Variants in KYNU observed in about 807,000 individuals in gnomAD.
KYNU encodes kynureninase, also known as L-kynurenine hydrolase.
In KYNU, 54 loss-of-function variants were observed where a neutral mutation model predicts 59.2. The observed-to-expected ratio is 0.91, with a 90% CI of 0.73 to 1.14. The LOEUF (loss-of-function observed/expected upper bound fraction) is 1.14. Ranked by LOEUF, KYNU falls within the 50% of genes most tolerant of loss-of-function variation. KYNU has a pLI of 0.00. For synonymous variants in KYNU, 177 were observed against 192.0 expected, an observed-to-expected ratio of 0.92 and a Z score of 0.65; for missense variants, 567 against 554.4, an observed-to-expected ratio of 1.02 and a Z score of -0.23.
rs542670348 is a variant in KYNU, at chr2:143,021,973, T to C, written c.903-7654T>C. ...ATATCTGTTTGTTGCAATTTAGATT[T>C]CAGATATTTATTTCTTATATTAATT... On this transcript the variant is annotated intron_variant, in intron 10 of 13. Transcript: ENST00000264170. 5.3e-5 allele frequency among the ~76,000 whole-genome samples: 8 copies of C among 152,322 alleles called. No homozygotes were observed. In the South Asian group the frequency reaches 1.7e-3, roughly 32 times the overall value.
rs1243876239 is a variant in KYNU at position 142,972,807 on chromosome 2, T to TAG, written c.729+12038_729+12039insGA. The stretch of plus-strand genomic sequence containing the variant: ...GACAGAGGCCATATATATATATATA[T>TAG]ATATATAGAGAGAGAGAGAGAGAGA... On this transcript the variant is annotated intron_variant, in intron 8 of 13. Transcript: ENST00000264170. Among the ~76,000 whole-genome samples the TAG allele has an allele frequency of 6.2e-4, 86 of 138,330 alleles. 1 individual carries two copies. Among genetic ancestry groups the TAG allele is most frequent in the African/African-American group, 1.8e-3 (67 of 36,830 alleles). The allele number at this position is 138,330 out of a possible 152,430, so 90.7% of individuals were successfully genotyped here.
At chr2:142,881,271 T>C (rs1681287142) in intron 1 of KYNU, 1 of 152,194 alleles carries the variant, frequency 6.6e-6, no homozygotes, top group Non-Finnish European at 1.5e-5. Context: ...GAACCATGGA[T>C]TGAAGCAGTT....
At chr2:143,007,280 T>C (rs1419984876) in intron 10 of KYNU, among the ~76,000 whole-genome samples, 10 of 149,700 alleles carry the variant, frequency 6.7e-5, no homozygotes, top group South Asian at 2.1e-4. Flanking sequence ...CAGGAACCGG[T>C]GCGATCAACT....
chr2:143,008,073 T>G (rs1685969486), intron 10 of KYNU, among the ~76,000 whole-genome samples: 1 of 122,420 alleles, frequency 8.2e-6, no homozygotes, highest in South Asian at 2.9e-4. Flanking sequence ...ACTTTAAATG[T>G]AAATGGACTA....
At chr2:142,889,307 G>A (rs1404848015) in intron 2 of KYNU, among the ~76,000 whole-genome samples, 3 of 152,140 alleles carry the variant, frequency 2.0e-5, no homozygotes, top group African/African-American at 4.8e-5. Context: ...AACAGACAGT[G>A]GCGGGGGGAC....
chr2:143,032,733 G>GTGTGTGTGTGTGTGTGTGTC (rs1426569918), intron 11 of KYNU, among the ~76,000 whole-genome samples: 4 of 151,324 alleles, frequency 2.6e-5, no homozygotes, highest in Non-Finnish European at 1.5e-5. Flanking sequence ...GTGTGTGTGT[G>GTGTGTGTGTGTGTGTGTGTC]TGTGTGTGTC....
chr2:142,878,243 TAC>T lies in KYNU; in HGVS notation c.-20+510_-20+511del, dbSNP rs1681163643. Among the ~76,000 whole-genome samples, 3 of 152,326 alleles carry T rather than the reference TAC, an allele frequency of 2.0e-5. No homozygotes were observed. In the South Asian group the frequency reaches 6.2e-4, roughly 32 times the overall value. On this transcript the variant is annotated intron_variant, in intron 1 of 13. Coordinates refer to ENST00000264170, the MANE Select transcript of KYNU (RefSeq NM_003937.3). The stretch of plus-strand genomic sequence containing the variant: ...ATGAAACCTAAGAAAAGAAAGTTGA[TAC>T]ACTTTTTAAAAATATACTAGATTTT...
chr2:142,898,911 A>G (rs558303590), intron 2 of KYNU, among the ~76,000 whole-genome samples: 58 of 152,268 alleles, frequency 3.8e-4, no homozygotes, highest in African/African-American at 1.4e-3. Context: ...CCAGGCACTT[A>G]GCTGTGCAGG....
At chr2:142,987,759 C>G (rs2105164788) in intron 10 of KYNU, among the ~76,000 whole-genome samples, 1 of 151,986 alleles carries the variant, frequency 6.6e-6, no homozygotes, top group South Asian at 2.1e-4. Context: ...ATTTGTGTCC[C>G]CACCCAAATC....
At chr2:142,998,790 C>A (rs1222598028) in intron 10 of KYNU, among the ~76,000 whole-genome samples, 2 of 151,896 alleles carry the variant, frequency 1.3e-5, no homozygotes, top group African/African-American at 4.8e-5. Flanking sequence ...GGGCAGATCA[C>A]AAGGTCAGGA....
In KYNU at chr2:143,043,048, T is replaced by C. The variant is rs1687101798; in HGVS notation, c.*876T>C. On this transcript the variant is annotated 3_prime_UTR_variant, in exon 14 of 14. Coordinates refer to ENST00000264170, the MANE Select transcript of KYNU (RefSeq NM_003937.3). ...AAATGTTGGAAACTCATTATATTGA[T>C]TTCCTTACCCACTCATGGGCCCTAA... 6.6e-6 allele frequency: 1 copy of C among 151,980 alleles called. No homozygotes were observed. The highest frequency in any genetic ancestry group is 6.6e-5 in the Admixed American group (1 of 15,222). The allele number at this position is 151,980 out of a possible 1,614,324, so 9.4% of individuals were successfully genotyped here.
At chr2:142,973,187 A>C (rs1441902909) in intron 8 of KYNU, among the ~76,000 whole-genome samples, 3 of 151,564 alleles carry the variant, frequency 2.0e-5, no homozygotes, top group Non-Finnish European at 4.4e-5. Context: ...AAAATATATA[A>C]TCTTTTTCTT....
At chr2:143,017,444 T>TC (rs1686288073) in intron 10 of KYNU, among the ~76,000 whole-genome samples, 2 of 137,642 alleles carry the variant, frequency 1.5e-5, no homozygotes, top group African/African-American at 2.7e-5. Flanking sequence ...CTTTTTTTTT[T>TC]TTTTTTTTTT....
intron 10 of KYNU, among the ~76,000 whole-genome samples, chr2:142,986,885 G>A (rs1558960790): frequency 6.6e-6 from 1 of 151,794 alleles, no homozygotes; most frequent in Non-Finnish European, 1.5e-5. Context: ...TTAGTAATAG[G>A]CTTTGGAGCA....
At chr2:142,977,351 T>A (rs868445640) in intron 8 of KYNU, among the ~76,000 whole-genome samples, 3 of 100,468 alleles carry the variant, frequency 3.0e-5, no homozygotes, top group Middle Eastern at 9.6e-3. Context: ...GTGGCTAGCT[T>A]CCTGGATGGA....
At chr2:142,936,885 C>T (rs1683407578) in intron 4 of KYNU, among the ~76,000 whole-genome samples, 1 of 152,052 alleles carries the variant, frequency 6.6e-6, no homozygotes, top group Admixed American at 6.6e-5. Flanking sequence ...GGTTTTGGCA[C>T]CAGAACGTAA....
At chr2:142,916,386 A>G (rs1179901286) in intron 2 of KYNU, among the ~76,000 whole-genome samples, 1 of 152,184 alleles carries the variant, frequency 6.6e-6, no homozygotes. Flanking sequence ...TTTTTTAATT[A>G]TCTATGGCTT....
In KYNU at chr2:143,047,852, C is replaced by CTTTTTTTTTTTTT. The variant is rs61229238; in HGVS notation, c.*5694_*5706dup. On this transcript the variant is annotated 3_prime_UTR_variant, in exon 14 of 14. Transcript: ENST00000264170. Reference sequence around the variant, plus strand: ...GGCATAAGCTGCCACTCCTGGACCTCTTTTTTTTTTTTTTTTTTTTTTTTT... The same window carrying CTTTTTTTTTTTTT: ...GGCATAAGCTGCCACTCCTGGACCTCTTTTTTTTTTTTTTTTTTTTTTTTTTTTTTTTTTTTTT... 12 of 100,336 alleles carry CTTTTTTTTTTTTT rather than the reference C, an allele frequency of 1.2e-4. 4 individuals are homozygous for CTTTTTTTTTTTTT. Among genetic ancestry groups the CTTTTTTTTTTTTT allele is most frequent in the Non-Finnish European group, 7.6e-5 (4 of 52,724 alleles). The allele number at this position is 100,336 out of a possible 1,614,324, so 6.2% of individuals were successfully genotyped here.
intron 8 of KYNU, among the ~76,000 whole-genome samples, chr2:142,982,999 T>C (rs1685091499): frequency 6.6e-6 from 1 of 152,004 alleles, no homozygotes; most frequent in Non-Finnish European, 1.5e-5. Flanking sequence ...AATTCACTCT[T>C]CCCTTAAAAT....
Sources: allele counts gnomAD v4.1 joint callset (sites outside exome capture counted in the v4.1 genomes callset), GRCh38; gene constraint gnomAD v4.1.1; transcripts MANE v1.5; gene names NCBI Gene and HGNC (gene_info 2026-07-23, HGNC 2026-07-21).